The following FBXL7 variants were observed in gnomAD, a reference collection of about 807,000 sequenced individuals.
The protein encoded by FBXL7 is F-box/LRR-repeat protein 7.
Under a neutral mutation model 38.3 loss-of-function variants are expected in FBXL7, and 12 were observed. That is an observed-to-expected ratio of 0.31 (90% CI 0.20 to 0.51). The LOEUF (loss-of-function observed/expected upper bound fraction) is 0.51, where lower values mean the gene tolerates loss of function less well. Among genes scored for constraint, FBXL7 ranks in the 20% least tolerant of loss-of-function variants. The pLI is 0.98. For missense variants in FBXL7, 567 were observed against 676.4 expected, an observed-to-expected ratio of 0.84 and a Z score of 1.79; for synonymous variants, 297 against 300.9, an observed-to-expected ratio of 0.99 and a Z score of 0.13.
chr5:15,915,270 C>T (rs560190476), intron 2 of FBXL7, among the ~76,000 whole-genome samples: 1 of 152,328 alleles, frequency 6.6e-6, no homozygotes, highest in South Asian at 2.1e-4. Flanking sequence ...ATACTGCAAA[C>T]TAGGTGGCAT....
At chr5:15,785,663 A>G (rs374047939) in intron 2 of FBXL7, among the ~76,000 whole-genome samples, 7 of 152,260 alleles carry the variant, frequency 4.6e-5, no homozygotes, top group East Asian at 3.9e-4. Context: ...GATGTAAATA[A>G]GATGAAAAGC....
At chr5:15,919,897 G>A (rs1287410869) in intron 2 of FBXL7, among the ~76,000 whole-genome samples, 1 of 152,174 alleles carries the variant, frequency 6.6e-6, no homozygotes, top group African/African-American at 2.4e-5. Flanking sequence ...AAAGAAATTA[G>A]AGATGTCAGA....
At chr5:15,517,935 T>C (rs1276041372) in intron 1 of FBXL7, among the ~76,000 whole-genome samples, 2 of 152,170 alleles carry the variant, frequency 1.3e-5, no homozygotes, top group Non-Finnish European at 2.9e-5. Flanking sequence ...AGACTAGCAT[T>C]GGCGTCTTGC....
chr5:15,609,595 G>A (rs564431129), intron 1 of FBXL7, among the ~76,000 whole-genome samples: 2 of 152,224 alleles, frequency 1.3e-5, no homozygotes, highest in African/African-American at 2.4e-5. Context: ...CTCTTGTTGC[G>A]GCTAATAGAA....
intron 2 of FBXL7, among the ~76,000 whole-genome samples, chr5:15,762,364 T>G (rs62350582): frequency 0.64 from 97,375 of 151,898 alleles, 32,103 homozygotes; most frequent in South Asian, 0.73. Context: ...ATTCTGTTGG[T>G]TAGAAGCACC....
intron 2 of FBXL7, among the ~76,000 whole-genome samples, chr5:15,761,304 TATC>T (rs1459316944): frequency 6.6e-6 from 1 of 152,152 alleles, no homozygotes; most frequent in Non-Finnish European, 1.5e-5. Context: ...GTGCCAAAAA[TATC>T]ATAATCCCGT....
Position 15,736,255 on chromosome 5 carries a change from T to A in FBXL7, c.127+120183T>A, listed in dbSNP as rs145948594. On this transcript the variant is annotated intron_variant, in intron 2 of 3. Transcript: ENST00000504595. ...TGTAGCAACCACTTTCAAAAGGACC[T>A]TTACAACTTAGTTAATTAAATTCCA... is the stretch of plus-strand genomic sequence containing the variant. Among the ~76,000 whole-genome samples the A allele has an allele frequency of 3.9e-5, 6 of 152,328 alleles. No individual in the cohort carries two copies. In the East Asian group the frequency reaches 1.2e-3, roughly 29 times the overall value.
chr5:15,887,143 C>CTGTTGTTTAT, intron 2 of FBXL7, among the ~76,000 whole-genome samples: 1 of 152,244 alleles, frequency 6.6e-6, no homozygotes, highest in Non-Finnish European at 1.5e-5. Flanking sequence ...ACAGAATAGT[C>CTGTTGTTTAT]AAGGCTATGG....
At chr5:15,638,065 A>G (rs1741241927) in intron 2 of FBXL7, among the ~76,000 whole-genome samples, 1 of 152,248 alleles carries the variant, frequency 6.6e-6, no homozygotes, top group Non-Finnish European at 1.5e-5. Flanking sequence ...GTCAAAGATA[A>G]GAAGATGCAT....
At chr5:15,884,449 G>A (rs1447713512) in intron 2 of FBXL7, among the ~76,000 whole-genome samples, 1 of 151,892 alleles carries the variant, frequency 6.6e-6, no homozygotes, top group Non-Finnish European at 1.5e-5. Context: ...TGTATTTTTA[G>A]TAGAGATGGG....
At chr5:15,632,563 A>T (rs1741035042) in intron 2 of FBXL7, among the ~76,000 whole-genome samples, 3 of 152,168 alleles carry the variant, frequency 2.0e-5, no homozygotes, top group Non-Finnish European at 4.4e-5. Context: ...TACCGAAAAG[A>T]CACTCATATG....
At chr5:15,892,851 C>G (rs1397941310) in intron 2 of FBXL7, among the ~76,000 whole-genome samples, 1 of 152,162 alleles carries the variant, frequency 6.6e-6, no homozygotes, top group Non-Finnish European at 1.5e-5. Context: ...GGCGCGGTGG[C>G]TCACGCCTGT....
chr5:15,716,342 C>T (rs1273450446), intron 2 of FBXL7, among the ~76,000 whole-genome samples: 4 of 152,124 alleles, frequency 2.6e-5, no homozygotes, highest in Non-Finnish European at 5.9e-5. Flanking sequence ...TGTATCTGAC[C>T]CGTAACATTT....
intron 2 of FBXL7, among the ~76,000 whole-genome samples, chr5:15,673,257 A>G (rs936020733): frequency 6.6e-6 from 1 of 151,260 alleles, no homozygotes; most frequent in Non-Finnish European, 1.5e-5. Context: ...CAGAGGTTGC[A>G]GTGAGCCGAG....
chr5:15,768,707 A>G (rs868421869), intron 2 of FBXL7, among the ~76,000 whole-genome samples: 7 of 152,064 alleles, frequency 4.6e-5, no homozygotes, highest in African/African-American at 1.7e-4. Context: ...AGCGTGGTCC[A>G]CTCATGGTGT....
intron 2 of FBXL7, among the ~76,000 whole-genome samples, chr5:15,877,140 G>C (rs1161232012): frequency 6.6e-6 from 1 of 152,122 alleles, no homozygotes; most frequent in Non-Finnish European, 1.5e-5. Context: ...CATTTTTCCT[G>C]AAAAGCTGTC....
At chr5:15,625,691 G>A (rs1049847972) in intron 2 of FBXL7, among the ~76,000 whole-genome samples, 1 of 151,892 alleles carries the variant, frequency 6.6e-6, no homozygotes, top group Non-Finnish European at 1.5e-5. Context: ...ACAAACAAAA[G>A]CCAAATCAAA....
chr5:15,609,567 C>T (rs1357150252), intron 1 of FBXL7, among the ~76,000 whole-genome samples: 1 of 152,214 alleles, frequency 6.6e-6, no homozygotes, highest in Non-Finnish European at 1.5e-5. Context: ...CCAGTTGCCC[C>T]TGACATGGCA....
At chr5:15,825,303 A>C (rs1738282365) in intron 2 of FBXL7, among the ~76,000 whole-genome samples, 1 of 152,162 alleles carries the variant, frequency 6.6e-6, no homozygotes, top group Admixed American at 6.5e-5. Context: ...AAACCAAAGA[A>C]AGTTTGGAAT....
Sources: gnomAD v4.1 joint callset for allele counts (sites outside exome capture counted in the v4.1 genomes callset) on GRCh38, gnomAD v4.1.1 for gene constraint, MANE v1.5 for transcripts, NCBI Gene and HGNC (gene_info 2026-07-23, HGNC 2026-07-21) for gene names.